The following MCPH1 variants were observed in gnomAD, a reference collection of about 807,000 sequenced individuals.
MCPH1 encodes microcephalin 1.
A neutral mutation model predicts 84.5 loss-of-function variants in MCPH1; 104 were observed. The ratio of observed to expected loss-of-function variants is 1.23; its 90% CI spans 1.05 to 1.45. The LOEUF (loss-of-function observed/expected upper bound fraction) is 1.45. Ranked by LOEUF, MCPH1 falls within the 40% of genes most tolerant of loss-of-function variation. MCPH1 has a pLI of 0.00. For synonymous variants in MCPH1, 514 were observed against 366.8 expected, an observed-to-expected ratio of 1.40 and a Z score of -4.58; for missense variants, 1,498 against 1,005.7, an observed-to-expected ratio of 1.49 and a Z score of -6.62.
At chr8:6,579,138 C>G (rs1321824874) in intron 12 of MCPH1, among the ~76,000 whole-genome samples, 1 of 152,192 alleles carries the variant, frequency 6.6e-6, no homozygotes, top group South Asian at 2.1e-4. Context: ...TTAAAACTCA[C>G]CTAACACCTG....
intron 3 of MCPH1, among the ~76,000 whole-genome samples, chr8:6,425,610 A>G (rs1032331012): frequency 6.6e-6 from 1 of 152,224 alleles, no homozygotes; most frequent in Admixed American, 6.5e-5. Context: ...AGCTTCTCCC[A>G]AAGGAACAGA....
chr8:6,443,563 G>A (rs1803823865), intron 7 of MCPH1, among the ~76,000 whole-genome samples: 1 of 152,228 alleles, frequency 6.6e-6, no homozygotes, highest in South Asian at 2.1e-4. Context: ...CCCCTATTGA[G>A]GGAGCCAGCA....
intron 12 of MCPH1, among the ~76,000 whole-genome samples, chr8:6,505,336 AAG>A (rs1813252332): frequency 2.6e-4 from 11 of 42,060 alleles, no homozygotes; most frequent in African/African-American, 4.2e-4. Flanking sequence ...TACATATAGA[AAG>A]AATATATATA....
intron 9 of MCPH1, among the ~76,000 whole-genome samples, chr8:6,469,839 C>T (rs1807481056): frequency 6.6e-6 from 1 of 152,200 alleles, no homozygotes; most frequent in African/African-American, 2.4e-5. Flanking sequence ...TTCTCTCTCT[C>T]TCCCTGCTCC....
Position 6,445,181 on chromosome 8 carries a change from A to G in MCPH1, c.1459A>G (p.Thr487Ala), listed in dbSNP as rs775878359. Residue 487 changes from threonine (T) to alanine (A), a missense_variant, in exon 8 of 14, where the codon ACT becomes GCT. By Grantham distance (58) the Thr-to-Ala change is moderately conservative. Transcript: ENST00000344683. Reference protein sequence around the residue: ...TAKTISSPRKTGNGEGRATSS... With the variant: ...TAKTISSPRKAGNGEGRATSS... ...AAAAACCATCTCCAGTCCTCGGAAA[A>G]CTGGAAATGGTGAAGGCCGTGCAAC... is the stretch of plus-strand genomic sequence containing the variant. The G allele has an allele frequency of 3.1e-5, 50 of 1,614,106 alleles. No homozygotes were observed. In the Admixed American group the frequency reaches 6.7e-4, roughly 22 times the overall value.
chr8:6,536,002 A>C lies in MCPH1; in HGVS notation c.2214+36073A>C, dbSNP rs532468517. 3.9e-5 allele frequency among the ~76,000 whole-genome samples: 6 copies of C among 152,276 alleles called. No homozygotes were observed. In the South Asian group the frequency reaches 1.2e-3, roughly 32 times the overall value. ...AGCCCAGGAGAGCAAGGCTGCAGTGAGCCATGATCGTGCCACTGCACTGCA... is the reference window on the plus strand; with the variant it reads ...AGCCCAGGAGAGCAAGGCTGCAGTGCGCCATGATCGTGCCACTGCACTGCA... On this transcript the variant is annotated intron_variant, in intron 12 of 13. Transcript: ENST00000344683.
rs55718615 is a variant in MCPH1, at chr8:6,415,295, C to CTTT, written c.233+420_233+422dup. ...AAGTTGTCAACAGGGTTGGTATCTT[C>CTTT]TTTTTTTTTTGAGACAAAGTCTTGC... is the stretch of plus-strand genomic sequence containing the variant. On this transcript the variant is annotated intron_variant, in intron 3 of 13. Transcript: ENST00000344683. 2.3e-4 allele frequency among the ~76,000 whole-genome samples: 33 copies of CTTT among 145,124 alleles called. 1 individual carries two copies. The highest frequency in any genetic ancestry group is 2.2e-4 in the Non-Finnish European group (15 of 66,786).
intron 9 of MCPH1, among the ~76,000 whole-genome samples, chr8:6,471,180 C>A (rs1450641537): frequency 6.6e-6 from 1 of 152,104 alleles, no homozygotes; most frequent in Non-Finnish European, 1.5e-5. Context: ...AGCAAAGTAC[C>A]AGGCTTCTTT....
At chr8:6,574,828 G>A (rs1391879639) in intron 12 of MCPH1, among the ~76,000 whole-genome samples, 1 of 152,192 alleles carries the variant, frequency 6.6e-6, no homozygotes, top group Non-Finnish European at 1.5e-5. Flanking sequence ...CCAAATTCCA[G>A]AAGAAGGGAG....
At chr8:6,528,705 G>A (rs1818859246) in intron 12 of MCPH1, among the ~76,000 whole-genome samples, 1 of 152,212 alleles carries the variant, frequency 6.6e-6, no homozygotes, top group Admixed American at 6.5e-5. Context: ...TCCATGTCAT[G>A]CTTATTCAGG....
rs115428327 is a variant in MCPH1 at position 6,620,989 on chromosome 8, T to C, written c.2215-465T>C. The C allele has an allele frequency of 5.4e-3, 1,190 of 221,776 alleles. 24 individuals carry two copies. Among genetic ancestry groups the C allele is most frequent in the African/African-American group, 0.025 (1,075 of 43,154 alleles). The allele number at this position is 221,776 out of a possible 1,614,324, so 13.7% of individuals were successfully genotyped here. ...ATGGTATTGGATTTACAGCATTTCT[T>C]ACATCCTATAAAAGTCCTTTTCTGC... On this transcript the variant is annotated intron_variant, in intron 12 of 13. Coordinates refer to ENST00000344683, the MANE Select transcript of MCPH1 (RefSeq NM_024596.5).
At chr8:6,514,249 G>A (rs1216763502) in intron 12 of MCPH1, among the ~76,000 whole-genome samples, 1 of 152,192 alleles carries the variant, frequency 6.6e-6, no homozygotes. Flanking sequence ...GAGTGCAGTG[G>A]TGTGATCTTG....
At chr8:6,540,354 G>C (rs891259191) in intron 12 of MCPH1, among the ~76,000 whole-genome samples, 40 of 152,188 alleles carry the variant, frequency 2.6e-4, no homozygotes, top group Middle Eastern at 6.8e-3. Context: ...TCAATAGCAG[G>C]CATTTTAAAT....
intron 8 of MCPH1, chr8:6,446,710 T>G (rs574006952): frequency 3.0e-6 from 3 of 985,346 alleles, no homozygotes; most frequent in South Asian, 9.4e-5. Flanking sequence ...TCTCCATCTT[T>G]CCAGTTTTCA....
chr8:6,532,612 C>G, intron 12 of MCPH1: 3 of 680,012 alleles, frequency 4.4e-6, no homozygotes, highest in Non-Finnish European at 4.3e-6. Flanking sequence ...AGACTTGTAC[C>G]TTGCCTTCCT....
chr8:6,408,909 C>T lies in MCPH1; in HGVS notation c.23-370C>T, dbSNP rs561313163. On this transcript the variant is annotated intron_variant, in intron 1 of 13. Coordinates refer to ENST00000344683, the MANE Select transcript of MCPH1 (RefSeq NM_024596.5). ...CTTTTTTCTTTTTTTTTTTTTGAAA[C>T]GGGTCTCGCCCTGTCACCCAGGCTG... Among the ~76,000 whole-genome samples the T allele has an allele frequency of 1.5e-3, 217 of 143,956 alleles. 1 individual carries two copies. Among genetic ancestry groups the T allele is most frequent in the Admixed American group, 9.1e-3 (131 of 14,348 alleles). The allele number at this position is 143,956 out of a possible 152,430, so 94.4% of individuals were successfully genotyped here. A position where few individuals can be genotyped will look rare whatever the true frequency, so the allele number is the denominator to read the frequency against.
At chr8:6,595,516 G>A (rs28575575) in intron 12 of MCPH1, among the ~76,000 whole-genome samples, 39,436 of 152,234 alleles carry the variant, frequency 0.26, 5,547 homozygotes, top group South Asian at 0.33. Context: ...AGCCAGTGGG[G>A]AAGAGGAGGC....
chr8:6,621,394 C>G (rs1831394368), intron 12 of MCPH1, 60 bp from the exon 13 acceptor site: 2 of 1,600,712 alleles, frequency 1.2e-6, no homozygotes, highest in East Asian at 2.2e-5. Flanking sequence ...AACAGTTCGC[C>G]TACGCTATGG....
At chr8:6,477,473 C>G (rs1808625920) in intron 9 of MCPH1, 121 bp from the exon 10 acceptor site, 4 of 878,518 alleles carry the variant, frequency 4.6e-6, no homozygotes, top group Non-Finnish European at 5.5e-6. Flanking sequence ...TTGACATATG[C>G]TTAAATGTTT....
Sources: gnomAD v4.1 joint callset for allele counts (sites outside exome capture counted in the v4.1 genomes callset) on GRCh38, gnomAD v4.1.1 for gene constraint, MANE v1.5 for transcripts, NCBI Gene and HGNC (gene_info 2026-07-23, HGNC 2026-07-21) for gene names.